The following DMD variants were observed in gnomAD, a reference collection of about 807,000 sequenced individuals.
DMD encodes the protein mutant dystrophin.
In DMD, 63 loss-of-function variants were observed where a neutral mutation model predicts 330.1. The observed-to-expected ratio is 0.19, with a 90% CI of 0.16 to 0.24. The LOEUF is 0.24. Among genes scored for constraint, DMD ranks in the 10% least tolerant of loss-of-function variants. The pLI is 1.00. For missense variants in DMD, 3,344 were observed against 2,684.1 expected, an observed-to-expected ratio of 1.25 and a Z score of -5.43; for synonymous variants, 1,223 against 959.8, an observed-to-expected ratio of 1.27 and a Z score of -5.07.
At chrX:32,774,971 G>A (rs1304605664) in intron 7 of DMD, among the ~76,000 whole-genome samples, 1 of 112,292 alleles carries the variant, frequency 8.9e-6, no homozygotes, top group Non-Finnish European at 1.9e-5. Flanking sequence ...TTACTTCCAA[G>A]GTACAATGCA....
At chrX:32,440,021 G>A (rs778584565) in intron 28 of DMD, among the ~76,000 whole-genome samples, 1 of 111,012 alleles carries the variant, frequency 9.0e-6, no homozygotes, top group South Asian at 3.8e-4. Context: ...TTGTGAACAT[G>A]CCCTAGTTTT....
In DMD at chrX:32,230,075, T is replaced by C. The variant is rs192153242; in HGVS notation, c.6291-13012A>G. Among the ~76,000 whole-genome samples the C allele has an allele frequency of 1.2e-3, 132 of 110,910 alleles. 1 individual carries two copies. The highest frequency in any genetic ancestry group is 3.9e-3 in the African/African-American group (118 of 30,592). ...CTAAATGCTCCCTAAGGGTAGAAAC[T>C]ATATTGAATCACCATTTTTACCTCC... On this transcript the variant is annotated intron_variant, in intron 43 of 78. Coordinates refer to ENST00000357033, the MANE Select transcript of DMD (RefSeq NM_004006.3).
At chrX:31,703,364 A>T (rs1392144917) in intron 52 of DMD, among the ~76,000 whole-genome samples, 1 of 111,850 alleles carries the variant, frequency 8.9e-6, no homozygotes, top group East Asian at 2.8e-4. Flanking sequence ...CACACCTCAC[A>T]TTTGTCTAAG....
chrX:32,711,296 A>C (rs1019680130), intron 7 of DMD, among the ~76,000 whole-genome samples: 2 of 111,080 alleles, frequency 1.8e-5, no homozygotes, highest in Non-Finnish European at 3.8e-5. Flanking sequence ...GTAGAGCTCT[A>C]CTAGCAGGGG....
chrX:32,598,711 AGTT>A (rs1298373226), intron 12 of DMD, among the ~76,000 whole-genome samples: 1 of 112,115 alleles, frequency 8.9e-6, no homozygotes, highest in Non-Finnish European at 1.9e-5. Flanking sequence ...TCCATTACTT[AGTT>A]GTTCTGATTT....
At chrX:31,128,971 TC>T (rs1184443722) in intron 77 of DMD, among the ~76,000 whole-genome samples, 1 of 112,333 alleles carries the variant, frequency 8.9e-6, no homozygotes, top group East Asian at 2.8e-4. Flanking sequence ...TGTTTCATTT[TC>T]TAAACATTTA....
intron 25 of DMD, among the ~76,000 whole-genome samples, chrX:32,460,113 T>G (rs1169293600): frequency 9.5e-6 from 1 of 105,549 alleles, no homozygotes; most frequent in Non-Finnish European, 1.9e-5. Flanking sequence ...CCAATTAATA[T>G]ATGAAAAAAA....
intron 2 of DMD, among the ~76,000 whole-genome samples, chrX:32,985,921 G>C (rs955365137): frequency 2.7e-5 from 3 of 111,868 alleles, no homozygotes; most frequent in African/African-American, 9.7e-5. Context: ...GGGGTTGCTA[G>C]AAACATAGAA....
rs1005302771 is a variant in DMD, at chrX:32,310,208, A to G, written c.5991T>C (p.Pro1997=). ...EDMPLEISYV[P]STYLTEITHV... The stretch of plus-strand genomic sequence containing the variant: ...GAGTGATTTCAGTCAAATAAGTAGA[A>G]GGCACATAAGAAATTTCCAAAGGCA... Residue 1997 remains proline (P), a synonymous_variant, in exon 42 of 79, where the codon CCT becomes CCC. Coordinates refer to ENST00000357033, the MANE Select transcript of DMD (RefSeq NM_004006.3). 12 of 1,209,138 alleles carry G rather than the reference A, an allele frequency of 9.9e-6. No homozygotes were observed. The highest frequency in any genetic ancestry group is 1.3e-5 in the Non-Finnish European group (12 of 893,551).
chrX:33,049,786 G>T (rs1450667508), intron 1 of DMD, among the ~76,000 whole-genome samples: 1 of 111,159 alleles, frequency 9.0e-6, no homozygotes, highest in African/African-American at 3.3e-5. Context: ...CGAAGCAATA[G>T]GGTCAACATG....
chrX:32,408,370 G>A (rs1393040259), intron 30 of DMD, among the ~76,000 whole-genome samples: 1 of 111,596 alleles, frequency 9.0e-6, no homozygotes, highest in East Asian at 2.8e-4. Flanking sequence ...CTTTCCTATA[G>A]TAATAAATGC....
chrX:31,391,463 C>T (rs2060680496), intron 60 of DMD, among the ~76,000 whole-genome samples: 1 of 111,940 alleles, frequency 8.9e-6, no homozygotes, highest in Non-Finnish European at 1.9e-5. Context: ...GGCTATTTGT[C>T]TCACTGTCTT....
At chrX:32,190,459 TAA>T (rs1280640861) in intron 44 of DMD, among the ~76,000 whole-genome samples, 1 of 104,459 alleles carries the variant, frequency 9.6e-6, no homozygotes, top group Admixed American at 1.1e-4. Flanking sequence ...GTGGATAACT[TAA>T]AGTTTTATAG....
chrX:33,061,818 C>T (rs780484375), intron 1 of DMD, among the ~76,000 whole-genome samples: 37 of 111,335 alleles, frequency 3.3e-4, no homozygotes, highest in Non-Finnish European at 5.7e-4. Flanking sequence ...TAAGGGTCAA[C>T]GAAATCTAAG....
At chrX:32,240,440 C>A (rs1433146533) in intron 43 of DMD, among the ~76,000 whole-genome samples, 2 of 111,010 alleles carry the variant, frequency 1.8e-5, no homozygotes, top group Admixed American at 1.9e-4. Context: ...AGGAAATGAG[C>A]TTTCACCAGA....
chrX:32,037,999 C>G (rs1409935930), intron 44 of DMD, among the ~76,000 whole-genome samples: 1 of 111,720 alleles, frequency 9.0e-6, no homozygotes, highest in Non-Finnish European at 1.9e-5. Context: ...GTAGAACTGA[C>G]CGGACTGTGG....
intron 7 of DMD, among the ~76,000 whole-genome samples, chrX:32,778,330 C>A (rs934578686): frequency 1.8e-5 from 2 of 109,524 alleles, no homozygotes; most frequent in Non-Finnish European, 1.9e-5. Context: ...AAGTCCCGAA[C>A]CCTATAGAAA....
intron 37 of DMD, among the ~76,000 whole-genome samples, chrX:32,357,485 G>T (rs1603631574): frequency 9.0e-6 from 1 of 111,164 alleles, no homozygotes; most frequent in African/African-American, 3.3e-5. Context: ...GCATACAAAA[G>T]ATTTACTGAT....
chrX:33,146,365 T>A (rs996632792), intron 1 of DMD, among the ~76,000 whole-genome samples: 5 of 111,784 alleles, frequency 4.5e-5, no homozygotes, highest in South Asian at 3.7e-4. Flanking sequence ...ATTTAAAAAA[T>A]TTCATAATTT....
Sources: gnomAD v4.1 joint callset for allele counts (sites outside exome capture counted in the v4.1 genomes callset) on GRCh38, gnomAD v4.1.1 for gene constraint, MANE v1.5 for transcripts, NCBI Gene and HGNC (gene_info 2026-07-23, HGNC 2026-07-21) for gene names.